TLE4: variants seen among roughly 807,000 people sequenced by gnomAD.
TLE4 encodes the protein transducin-like enhancer protein 4.
Under a neutral mutation model 92.8 loss-of-function variants are expected in TLE4, and 8 were observed. That is an observed-to-expected ratio of 0.09 (90% CI 0.05 to 0.16). The LOEUF (loss-of-function observed/expected upper bound fraction) is 0.16, where lower values mean the gene tolerates loss of function less well. TLE4 is among the 10% of genes least tolerant of loss of function. The pLI is 1.00. For missense variants in TLE4, 675 were observed against 997.6 expected, an observed-to-expected ratio of 0.68 and a Z score of 4.36; for synonymous variants, 371 against 374.1, an observed-to-expected ratio of 0.99 and a Z score of 0.10.
intron 5 of TLE4, among the ~76,000 whole-genome samples, chr9:79,622,105 C>A (rs1387026608): frequency 6.6e-6 from 1 of 152,224 alleles, no homozygotes; most frequent in African/African-American, 2.4e-5. Flanking sequence ...GCATGTCATG[C>A]AAAGCCCTTT....
At chr9:79,577,863 C>G (rs959546379) in intron 4 of TLE4, among the ~76,000 whole-genome samples, 5 of 152,058 alleles carry the variant, frequency 3.3e-5, no homozygotes, top group Admixed American at 6.5e-5. Context: ...ATTTCTTTTT[C>G]GAGGGGGTAT....
intron 4 of TLE4, among the ~76,000 whole-genome samples, chr9:79,593,441 G>T (rs1016938749): frequency 2.6e-5 from 4 of 152,054 alleles, no homozygotes; most frequent in Non-Finnish European, 5.9e-5. Flanking sequence ...TGTGGCAAAA[G>T]TTTCTTTCTT....
chr9:79,722,654 C>G (rs1215181304), intron 18 of TLE4, 53 bp downstream of exon 18: 1 of 1,591,240 alleles, frequency 6.3e-7, no homozygotes, highest in African/African-American at 1.3e-5. Flanking sequence ...CTCCTTCCCC[C>G]TTCCTGTGTT....
chr9:79,599,296 G>T (rs1385819770), intron 4 of TLE4, among the ~76,000 whole-genome samples: 1 of 152,024 alleles, frequency 6.6e-6, no homozygotes, highest in Non-Finnish European at 1.5e-5. Flanking sequence ...ATTTTTTATT[G>T]CATGCATCCT....
intron 4 of TLE4, chr9:79,601,314 C>T (rs1354186515): frequency 2.2e-6 from 1 of 445,850 alleles, no homozygotes; most frequent in Admixed American, 2.4e-5. Flanking sequence ...AGAATTTAAG[C>T]AAGTTTTCTG....
At chr9:79,576,758 T>TG (rs1236528802) in intron 4 of TLE4, 1 of 151,294 alleles carries the variant, frequency 6.6e-6, no homozygotes, top group African/African-American at 2.4e-5. Flanking sequence ...TAGGAGGATG[T>TG]GATAAGGTTC....
At chr9:79,637,557 G>T (rs1285425392) in intron 6 of TLE4, among the ~76,000 whole-genome samples, 1 of 152,208 alleles carries the variant, frequency 6.6e-6, no homozygotes, top group East Asian at 1.9e-4. Flanking sequence ...AGAGCTCAGT[G>T]TTGGAAGGAA....
At chr9:79,627,740 C>CT in intron 6 of TLE4, 1 of 338,884 alleles carries the variant, frequency 3.0e-6, no homozygotes, top group South Asian at 4.8e-5. Flanking sequence ...CTAACCTAGG[C>CT]CAAAAAAAAA....
intron 8 of TLE4, among the ~76,000 whole-genome samples, chr9:79,671,031 A>G (rs1025127877): frequency 6.8e-6 from 1 of 146,572 alleles, no homozygotes; most frequent in South Asian, 2.3e-4. Context: ...GCCAGGCCAC[A>G]GGGAAATTAT....
chr9:79,607,309 C>T (rs2047268618), intron 4 of TLE4, among the ~76,000 whole-genome samples: 1 of 151,948 alleles, frequency 6.6e-6, no homozygotes, highest in African/African-American at 2.4e-5. Flanking sequence ...AAATTTTCTC[C>T]CATTCTGTAG....
intron 6 of TLE4, among the ~76,000 whole-genome samples, chr9:79,642,396 C>G (rs1209084606): frequency 6.6e-6 from 1 of 151,786 alleles, no homozygotes; most frequent in Admixed American, 6.6e-5. Context: ...GCTGGGACTA[C>G]AGGCACATAT....
intron 6 of TLE4, among the ~76,000 whole-genome samples, chr9:79,648,282 G>T (rs2058412678): frequency 6.6e-6 from 1 of 152,156 alleles, no homozygotes; most frequent in Non-Finnish European, 1.5e-5. Flanking sequence ...GGTGCCAGGG[G>T]TACTAAGAGG....
At chr9:79,578,402 GTTC>G (rs375289254) in intron 4 of TLE4, among the ~76,000 whole-genome samples, 1 of 152,210 alleles carries the variant, frequency 6.6e-6, no homozygotes, top group African/African-American at 2.4e-5. Flanking sequence ...TAACGTTCCT[GTTC>G]TTCTTGGCTG....
chr9:79,664,102 C>T (rs542088663), intron 8 of TLE4, among the ~76,000 whole-genome samples: 20 of 152,306 alleles, frequency 1.3e-4, no homozygotes, highest in Non-Finnish European at 2.4e-4. Flanking sequence ...GTGCCTGTGA[C>T]ACTGCGTGCA....
intron 6 of TLE4, among the ~76,000 whole-genome samples, chr9:79,645,858 TAA>T (rs2058027560): frequency 6.6e-6 from 1 of 152,130 alleles, no homozygotes. Context: ...TGGTTTGAGA[TAA>T]GAGAGGTTTT....
In TLE4 at chr9:79,627,538, CA is replaced by C. The variant is rs557520518; in HGVS notation, c.390+95del. 3.2e-4 allele frequency: 418 copies of C among 1,321,320 alleles called. 3 individuals carry two copies. The East Asian group carries it at 9.5e-3, about 30-fold the overall frequency. 81.8% of individuals were successfully genotyped at this position (1,321,320 alleles called of 1,614,324 possible). A position where few individuals can be genotyped will look rare whatever the true frequency, so the allele number is the denominator to read the frequency against. Reference sequence around the variant, plus strand: ...TTTACATTTTGTTCCGCCAAAGGGGCAAAAAGCAATAGATGACTACAAAATG... The same window carrying C: ...TTTACATTTTGTTCCGCCAAAGGGGCAAAAGCAATAGATGACTACAAAATG... On this transcript the variant is annotated intron_variant, in intron 6 of 19. Transcript: ENST00000376552.
At chr9:79,641,926 T>C (rs1156745367) in intron 6 of TLE4, among the ~76,000 whole-genome samples, 2 of 151,926 alleles carry the variant, frequency 1.3e-5, no homozygotes, top group African/African-American at 4.8e-5. Flanking sequence ...TACAGTGAAG[T>C]CTATTTAGTG....
intron 4 of TLE4, among the ~76,000 whole-genome samples, chr9:79,597,482 A>G (rs1006364351): frequency 2.0e-5 from 3 of 151,518 alleles, no homozygotes; most frequent in Non-Finnish European, 4.4e-5. Context: ...TTTTTTTTCT[A>G]CTAGCCCAGA....
At chr9:79,578,336 G>A (rs955911764) in intron 4 of TLE4, among the ~76,000 whole-genome samples, 1 of 152,166 alleles carries the variant, frequency 6.6e-6, no homozygotes, top group Non-Finnish European at 1.5e-5. Context: ...GGAGCCCTTG[G>A]AAGTACCCTA....
Sources: gnomAD v4.1 joint callset for allele counts (sites outside exome capture counted in the v4.1 genomes callset) on GRCh38, gnomAD v4.1.1 for gene constraint, MANE v1.5 for transcripts, NCBI Gene and HGNC (gene_info 2026-07-23, HGNC 2026-07-21) for gene names.